Variants in EYA2 observed in about 807,000 individuals in gnomAD.
The protein encoded by EYA2 is protein phosphatase EYA2.
In EYA2, 31 loss-of-function variants were observed where a neutral mutation model predicts 69.2. That is an observed-to-expected ratio of 0.45 (90% confidence interval 0.34 to 0.60). EYA2 has a LOEUF of 0.60. Ranked by LOEUF, EYA2 falls within the 20% of genes least tolerant of loss-of-function variation. The pLI is 0.02. For synonymous variants in EYA2, 257 were observed against 279.4 expected (o/e 0.92, Z 0.80); for missense variants, 622 against 701.2 (o/e 0.89, Z 1.28).
At chr20:46,923,473 T>C (rs1032698536) in intron 1 of EYA2, among the ~76,000 whole-genome samples, 1 of 152,250 alleles carries the variant, frequency 6.6e-6, no homozygotes, top group Non-Finnish European at 1.5e-5. Context: ...GGAGATGTGA[T>C]ACAGGAAATT....
At position 46,924,944 on chromosome 20, in the gene EYA2, C is replaced by T. The variant is rs145702340; in HGVS notation, c.-11+29957C>T. Among the ~76,000 whole-genome samples the T allele has an allele frequency of 1.1e-3, 169 of 152,290 alleles. 2 individuals are homozygous for T. Among genetic ancestry groups the T allele is most frequent in the African/African-American group, 3.8e-3 (160 of 41,564 alleles). The stretch of plus-strand genomic sequence containing the variant: ...TTACTCTCTCCGGAGGTGGAAGTCT[C>T]CAGAGAGCCTGCAAGGTGTTAGCAG... On this transcript the variant is annotated intron_variant, in intron 1 of 15. Coordinates refer to ENST00000327619, the MANE Select transcript of EYA2 (RefSeq NM_005244.5).
At chr20:47,041,995 TATAAA>T (rs1985097174) in intron 5 of EYA2, among the ~76,000 whole-genome samples, 1 of 152,044 alleles carries the variant, frequency 6.6e-6, no homozygotes, top group Non-Finnish European at 1.5e-5. Flanking sequence ...ATAAAATAAA[TATAAA>T]ATAAAATTGG....
chr20:47,150,389 TGAG>T (rs2033799723), intron 10 of EYA2, among the ~76,000 whole-genome samples: 1 of 152,144 alleles, frequency 6.6e-6, no homozygotes. Flanking sequence ...TTCTCTCTCA[TGAG>T]GAAATCTGAA....
chr20:47,049,779 T>C (rs2030230484), intron 5 of EYA2, among the ~76,000 whole-genome samples: 1 of 151,982 alleles, frequency 6.6e-6, no homozygotes, highest in Non-Finnish European at 1.5e-5. Flanking sequence ...TGTTTCTTTA[T>C]AGCATGCAAA....
At chr20:47,036,455 C>T (rs6063063) in intron 5 of EYA2, among the ~76,000 whole-genome samples, 100,040 of 152,068 alleles carry the variant, frequency 0.66, 35,160 homozygotes, top group Non-Finnish European at 0.79. Flanking sequence ...TTCTGGTGCA[C>T]ACGGGCATTA....
intron 9 of EYA2, among the ~76,000 whole-genome samples, chr20:47,099,497 A>C (rs956616112): frequency 1.3e-5 from 2 of 152,232 alleles, no homozygotes; most frequent in Admixed American, 6.5e-5. Context: ...AGCCTGGGCA[A>C]CAGAGCAAGA....
intron 5 of EYA2, among the ~76,000 whole-genome samples, chr20:47,025,954 A>G (rs1220608444): frequency 6.6e-6 from 1 of 152,234 alleles, no homozygotes; most frequent in African/African-American, 2.4e-5. Context: ...CCCTTGACTG[A>G]TTTGTATTTC....
intron 7 of EYA2, among the ~76,000 whole-genome samples, chr20:47,078,325 GCGCGCGCA>G (rs1208026818): frequency 0.034 from 3,540 of 105,346 alleles, 85 homozygotes; most frequent in East Asian, 0.16. Flanking sequence ...ACGTGCGCGC[GCGCGCGCA>G]CACACACACA....
intron 9 of EYA2, among the ~76,000 whole-genome samples, chr20:47,133,082 G>T (rs1403228428): frequency 1.3e-5 from 2 of 152,188 alleles, no homozygotes; most frequent in Non-Finnish European, 2.9e-5. Context: ...CCAAAAAGGA[G>T]AATTTGTTCA....
chr20:46,985,126 G>A (rs374034284), intron 1 of EYA2, among the ~76,000 whole-genome samples: 46 of 152,356 alleles, frequency 3.0e-4, no homozygotes, highest in African/African-American at 1.1e-3. Context: ...CTAGGGCATG[G>A]TGGAAAATAA....
At chr20:47,093,486 C>T (rs2032149311) in intron 8 of EYA2, among the ~76,000 whole-genome samples, 1 of 152,264 alleles carries the variant, frequency 6.6e-6, no homozygotes, top group African/African-American at 2.4e-5. Context: ...TTCAGCTCTG[C>T]GGCTCCTGCT....
chr20:46,971,814 G>C (rs1275199572), intron 1 of EYA2, among the ~76,000 whole-genome samples: 1 of 152,196 alleles, frequency 6.6e-6, no homozygotes, highest in Admixed American at 6.5e-5. Context: ...CATGATCCTT[G>C]TATGTAACAC....
Position 47,107,751 on chromosome 20 carries a change from A to G in EYA2, c.888+10583A>G, listed in dbSNP as rs1381953409. On this transcript the variant is annotated intron_variant, in intron 9 of 15. Coordinates refer to ENST00000327619, the MANE Select transcript of EYA2 (RefSeq NM_005244.5). ...AAGAAAAGAAAAAGAAGAAGAGAGA[A>G]GGAAAAAGGAGAAGAAAGAAGAAGT... Among the ~76,000 whole-genome samples the G allele has an allele frequency of 2.1e-5, 3 of 145,624 alleles. 1 individual carries two copies. In the East Asian group the frequency reaches 5.8e-4, roughly 28 times the overall value.
chr20:47,028,946 A>G (rs1452725469), intron 5 of EYA2, among the ~76,000 whole-genome samples: 1 of 135,656 alleles, frequency 7.4e-6, no homozygotes, highest in Non-Finnish European at 1.5e-5. Context: ...AAAAAAAAAC[A>G]AATGCCAGAA....
At chr20:46,983,962 TAGTG>T (rs1381310249) in intron 1 of EYA2, among the ~76,000 whole-genome samples, 4 of 152,160 alleles carry the variant, frequency 2.6e-5, no homozygotes, top group African/African-American at 4.8e-5. Flanking sequence ...TTGATCATGA[TAGTG>T]AGGTTGACTA....
chr20:46,914,698 G>A (rs929881246), intron 1 of EYA2, among the ~76,000 whole-genome samples: 8 of 152,144 alleles, frequency 5.3e-5, no homozygotes, highest in African/African-American at 1.2e-4. Context: ...CCCACGACAC[G>A]TGGGGATTAT....
chr20:47,174,582 G>A (rs767069275), intron 12 of EYA2, among the ~76,000 whole-genome samples: 4 of 152,170 alleles, frequency 2.6e-5, no homozygotes, highest in Non-Finnish European at 5.9e-5. Flanking sequence ...ACTTCCCGTC[G>A]TGTTCATGGC....
At position 46,896,404 on chromosome 20, in the gene EYA2, C is replaced by CAAAA. The variant is rs71892947; in HGVS notation, c.-11+1425_-11+1428dup. Among the ~76,000 whole-genome samples, 843 of 141,562 alleles carry CAAAA rather than the reference C, an allele frequency of 6.0e-3. 8 individuals carry two copies. Among genetic ancestry groups the CAAAA allele is most frequent in the African/African-American group, 0.02 (776 of 39,580 alleles). 92.9% of individuals were successfully genotyped at this position (141,562 alleles called of 152,430 possible). ...CATACACATGTAACCATCCTGCTTACAAAAAAAAAAAGAGGTACACAAAGA... is the reference window on the plus strand; with the variant it reads ...CATACACATGTAACCATCCTGCTTACAAAAAAAAAAAAAAAGAGGTACACAAAGA... On this transcript the variant is annotated intron_variant, in intron 1 of 15. Transcript: ENST00000327619.
At chr20:47,129,988 C>T (rs1290423249) in intron 9 of EYA2, among the ~76,000 whole-genome samples, 1 of 150,598 alleles carries the variant, frequency 6.6e-6, no homozygotes, top group East Asian at 2.0e-4. Context: ...AGCAGTTGTG[C>T]CCCCCACCCC....
Sources: allele counts gnomAD v4.1 joint callset (sites outside exome capture counted in the v4.1 genomes callset), GRCh38; gene constraint gnomAD v4.1.1; transcripts MANE v1.5; gene names NCBI Gene and HGNC (gene_info 2026-07-23, HGNC 2026-07-21).